ADGRL2: variants seen among roughly 807,000 people sequenced by gnomAD.
ADGRL2 encodes calcium-independent alpha-latrotoxin receptor 2.
In ADGRL2, 44 loss-of-function variants were observed where a neutral mutation model predicts 157.4. That is an observed-to-expected ratio of 0.28 (90% confidence interval 0.22 to 0.36). The LOEUF (loss-of-function observed/expected upper bound fraction) is 0.36. Among genes scored for constraint, ADGRL2 ranks in the 10% least tolerant of loss-of-function variants. ADGRL2 has a pLI of 1.00. For missense variants in ADGRL2, 1,510 were observed against 1,768.9 expected (o/e 0.85, Z 2.63); for synonymous variants, 585 against 624.7 (o/e 0.94, Z 0.95).
At chr1:81,412,579 C>T (rs973077379) in intron 1 of ADGRL2, among the ~76,000 whole-genome samples, 2 of 152,130 alleles carry the variant, frequency 1.3e-5, no homozygotes, top group African/African-American at 2.4e-5. Flanking sequence ...ACTCTAAGCT[C>T]GCTGGGGGAA....
At position 81,943,472 on chromosome 1, in the gene ADGRL2, A is replaced by T. The variant is rs1489147681; in HGVS notation, c.913A>T (p.Thr305Ser). The T allele has an allele frequency of 6.2e-7, 1 of 1,613,632 alleles. No individual in the cohort carries two copies. Among genetic ancestry groups the T allele is most frequent in the African/African-American group, 1.3e-5 (1 of 74,904 alleles). ...TCCATACACTCTTCGATTTGAAGCA[A>T]CGTGGGAGACTGTATACGACAAACG... is the stretch of plus-strand genomic sequence containing the variant. ...LNPYTLRFEATWETVYDKRAA... is the reference protein window; with the variant it reads ...LNPYTLRFEASWETVYDKRAA... The change falls in exon 6 of 24, where the codon ACG (threonine) becomes TCG (serine). Residue 305 changes from threonine to serine, a missense_variant. Around this residue, in one of 4 missense-constraint regions of ADGRL2, gnomAD observed 361 missense variants for 498.4 expected, o/e 0.72. Transcript: ENST00000686636. The surrounding 1 kb of genome is among the most constrained non-coding windows in gnomAD (Gnocchi z 5.6).
intron 2 of ADGRL2, among the ~76,000 whole-genome samples, chr1:81,840,361 G>A (rs1178653416): frequency 6.6e-6 from 1 of 151,358 alleles, no homozygotes; most frequent in African/African-American, 2.4e-5. Context: ...TTTTCCTCCT[G>A]TTACAGTTGT....
intron 2 of ADGRL2, among the ~76,000 whole-genome samples, chr1:81,459,804 A>T (rs1571026265): frequency 1.9e-5 from 2 of 105,282 alleles, no homozygotes; most frequent in African/African-American, 6.6e-5. Flanking sequence ...ATATATATGT[A>T]TGTGTTTGTA....
intron 1 of ADGRL2, among the ~76,000 whole-genome samples, chr1:81,715,047 C>G (rs2149095892): frequency 6.6e-6 from 1 of 151,922 alleles, no homozygotes; most frequent in Middle Eastern, 3.4e-3. Flanking sequence ...TTCTTTTTTA[C>G]TCCTCAGTAG....
At chr1:81,708,373 C>G (rs545691071) in intron 1 of ADGRL2, among the ~76,000 whole-genome samples, 24 of 152,168 alleles carry the variant, frequency 1.6e-4, no homozygotes, top group African/African-American at 5.1e-4. Context: ...GAAAAATGTG[C>G]CTTTGTGTAT....
chr1:81,447,252 A>G (rs1557695639), intron 2 of ADGRL2, among the ~76,000 whole-genome samples: 1 of 152,180 alleles, frequency 6.6e-6, no homozygotes, highest in African/African-American at 2.4e-5. Flanking sequence ...GATATAATTC[A>G]GTAAACATAG....
At chr1:81,378,341 A>G (rs763820754) in intron 1 of ADGRL2, among the ~76,000 whole-genome samples, 12 of 152,076 alleles carry the variant, frequency 7.9e-5, no homozygotes, top group Non-Finnish European at 1.6e-4. Flanking sequence ...GCTTGAGCCC[A>G]GGAGTTCGAG....
chr1:81,396,355 G>A (rs2076655111), intron 1 of ADGRL2, among the ~76,000 whole-genome samples: 2 of 152,086 alleles, frequency 1.3e-5, no homozygotes, highest in African/African-American at 2.4e-5. Context: ...TTTGTATCTT[G>A]CAACTTTACT....
rs1273343741 is a variant in ADGRL2, at chr1:81,525,304, C to T, written c.-247-55572C>T. ...TCCACACGTGTAGTAAAAATGTCAA[C>T]ATGGACATTCCAAAGTGCACTTTTT... is the stretch of plus-strand genomic sequence containing the variant. On this transcript the variant is annotated intron_variant, in intron 2 of 24. Transcript: ENST00000370721. Among the ~76,000 whole-genome samples, 3 of 151,404 alleles carry T rather than the reference C, an allele frequency of 2.0e-5. No individual in the cohort carries two copies. In the South Asian group the frequency reaches 6.3e-4, roughly 32 times the overall value.
chr1:81,578,889 A>G (rs1315253115), intron 2 of ADGRL2, among the ~76,000 whole-genome samples: 4 of 152,170 alleles, frequency 2.6e-5, no homozygotes, highest in Admixed American at 6.6e-5. Flanking sequence ...TGATTTACAT[A>G]TGGCACTTGA....
chr1:81,343,092 C>CTTTTTT (rs544677891), intron 1 of ADGRL2, among the ~76,000 whole-genome samples: 13 of 131,140 alleles, frequency 9.9e-5, no homozygotes, highest in Admixed American at 1.6e-4. Context: ...TTTTTCTTTT[C>CTTTTTT]TTTTTTTTTT....
chr1:81,917,099 G>A (rs1418789034), intron 3 of ADGRL2, among the ~76,000 whole-genome samples: 1 of 151,842 alleles, frequency 6.6e-6, no homozygotes, highest in African/African-American at 2.4e-5. Flanking sequence ...TTCAGTGCTG[G>A]AATTACAAGC....
chr1:81,938,435 G>GT (rs2095340959), intron 4 of ADGRL2, among the ~76,000 whole-genome samples: 1 of 151,670 alleles, frequency 6.6e-6, no homozygotes, highest in Non-Finnish European at 1.5e-5. Context: ...TTCTTGTGCT[G>GT]TTTAAGAAAG....
chr1:81,540,425 G>A (rs937800369), intron 2 of ADGRL2, among the ~76,000 whole-genome samples: 1 of 152,178 alleles, frequency 6.6e-6, no homozygotes, highest in African/African-American at 2.4e-5. Context: ...TTGGCACAGT[G>A]CCTCCCCTCA....
intron 1 of ADGRL2, among the ~76,000 whole-genome samples, chr1:81,741,501 T>C (rs1252197864): frequency 6.6e-6 from 1 of 152,040 alleles, no homozygotes; most frequent in Non-Finnish European, 1.5e-5. Context: ...AGTATTACCT[T>C]TACTTCTTAT....
intron 1 of ADGRL2, among the ~76,000 whole-genome samples, chr1:81,337,069 C>A (rs1217910607): frequency 1.3e-5 from 2 of 152,180 alleles, no homozygotes; most frequent in Admixed American, 1.3e-4. Context: ...AAGAAGAGTT[C>A]AGCTGGGGAT....
At chr1:81,311,147 T>C (rs2100549491) in intron 1 of ADGRL2, among the ~76,000 whole-genome samples, 1 of 152,300 alleles carries the variant, frequency 6.6e-6, no homozygotes, top group Middle Eastern at 3.4e-3. Flanking sequence ...AGTTAACATA[T>C]ACAAGCTCAA....
chr1:81,483,852 T>C (rs1360813142), intron 2 of ADGRL2, among the ~76,000 whole-genome samples: 6 of 152,288 alleles, frequency 3.9e-5, no homozygotes, highest in Middle Eastern at 3.4e-3. Context: ...CACTCGAAAG[T>C]CTCCTGAATA....
chr1:81,311,059 T>C (rs1659721292), intron 1 of ADGRL2, among the ~76,000 whole-genome samples: 1 of 152,156 alleles, frequency 6.6e-6, no homozygotes, highest in African/African-American at 2.4e-5. Flanking sequence ...CCAAGGGATT[T>C]TTCTCACTGA....
Sources: allele counts gnomAD v4.1 joint callset (sites outside exome capture counted in the v4.1 genomes callset), GRCh38; gene constraint gnomAD v4.1.1; regional missense constraint gnomAD v4.1.1; non-coding constraint Gnocchi (gnomAD v3.1); transcripts MANE v1.5; gene names NCBI Gene and HGNC (gene_info 2026-07-23, HGNC 2026-07-21).